The following EYS variants were observed in gnomAD, a reference collection of about 807,000 sequenced individuals.
EYS encodes the protein protein eyes shut homolog.
EYS carries 250 observed loss-of-function variants against 282.1 expected under a neutral mutation model. The observed-to-expected ratio is 0.89, with a 90% CI of 0.80 to 0.98. EYS has a LOEUF of 0.98. Ranked by LOEUF, EYS falls within the 50% of genes least tolerant of loss-of-function variation. The probability of loss-of-function intolerance (pLI) is 0.00; values close to 1 mark genes in which losing one functional copy is unlikely to be tolerated. For synonymous variants in EYS, 1,355 were observed against 1,282.9 expected, an observed-to-expected ratio of 1.06 and a Z score of -1.20; for missense variants, 4,016 against 3,709.0, an observed-to-expected ratio of 1.08 and a Z score of -2.15.
chr6:63,993,210 T>G (rs1030097673), intron 34 of EYS, among the ~76,000 whole-genome samples: 1 of 151,772 alleles, frequency 6.6e-6, no homozygotes, highest in African/African-American at 2.4e-5. Context: ...TCATACTCAA[T>G]GGTGAACACC....
intron 12 of EYS, among the ~76,000 whole-genome samples, chr6:65,103,210 A>C (rs922600005): frequency 2.0e-5 from 3 of 151,478 alleles, no homozygotes; most frequent in Non-Finnish European, 4.4e-5. Flanking sequence ...AAGAATCATT[A>C]ACCTATGAGT....
chr6:65,059,528 A>C (rs929618168), intron 12 of EYS, among the ~76,000 whole-genome samples: 1 of 152,096 alleles, frequency 6.6e-6, no homozygotes, highest in Non-Finnish European at 1.5e-5. Context: ...TCTTCCTTAC[A>C]CTTCAAAGGG....
intron 22 of EYS, among the ~76,000 whole-genome samples, chr6:64,736,753 T>C (rs1391554313): frequency 1.3e-5 from 2 of 152,276 alleles, no homozygotes; most frequent in South Asian, 2.1e-4. Flanking sequence ...CTCACCACTG[T>C]GTCAGACACT....
chr6:63,754,269 T>C (rs1769419688), intron 41 of EYS, among the ~76,000 whole-genome samples: 1 of 152,116 alleles, frequency 6.6e-6, no homozygotes, highest in Non-Finnish European at 1.5e-5. Context: ...GGTATACATG[T>C]GTGATGTTGG....
intron 33 of EYS, among the ~76,000 whole-genome samples, chr6:64,000,514 A>T (rs1228353287): frequency 6.6e-6 from 1 of 151,852 alleles, no homozygotes; most frequent in East Asian, 1.9e-4. Context: ...TTTTAGTTTT[A>T]AAACCAGAGA....
chr6:64,270,023 C>T (rs1055310056), intron 30 of EYS, among the ~76,000 whole-genome samples: 2 of 151,908 alleles, frequency 1.3e-5, no homozygotes, highest in African/African-American at 4.8e-5. Flanking sequence ...TTTTCTTAGA[C>T]AATTAATTTA....
At chr6:64,631,942 TA>T (rs1205745810) in intron 22 of EYS, among the ~76,000 whole-genome samples, 5 of 151,970 alleles carry the variant, frequency 3.3e-5, no homozygotes, top group Admixed American at 2.0e-4. Context: ...ATATTTACAT[TA>T]AAAAACAATT....
At chr6:64,694,717 G>A (rs531765456) in intron 22 of EYS, among the ~76,000 whole-genome samples, 8 of 152,178 alleles carry the variant, frequency 5.3e-5, no homozygotes, top group Non-Finnish European at 8.8e-5. Context: ...AGAGGTAAAC[G>A]TAGCATAAGC....
chr6:63,946,882 A>G (rs1037026882), intron 35 of EYS, among the ~76,000 whole-genome samples: 1 of 152,020 alleles, frequency 6.6e-6, no homozygotes, highest in Admixed American at 6.6e-5. Flanking sequence ...GGTGATGAAT[A>G]TCCCATTTAC....
At chr6:64,799,798 C>A (rs569765062) in intron 22 of EYS, among the ~76,000 whole-genome samples, 117 of 151,748 alleles carry the variant, frequency 7.7e-4, no homozygotes, top group Middle Eastern at 3.4e-3. Flanking sequence ...ATTTAAGTAT[C>A]TGAATATCTA....
intron 22 of EYS, among the ~76,000 whole-genome samples, chr6:64,793,068 T>C (rs1774241070): frequency 6.6e-6 from 1 of 152,110 alleles, no homozygotes; most frequent in Admixed American, 6.6e-5. Context: ...AATCTCTTCC[T>C]ACATTTGCAT....
intron 35 of EYS, among the ~76,000 whole-genome samples, chr6:63,885,735 T>C (rs1007719675): frequency 6.6e-6 from 1 of 152,162 alleles, no homozygotes; most frequent in African/African-American, 2.4e-5. Flanking sequence ...AGATTAGAGA[T>C]ACACAGCTTT....
intron 29 of EYS, among the ~76,000 whole-genome samples, chr6:64,342,707 A>T (rs984719783): frequency 6.6e-6 from 1 of 152,092 alleles, no homozygotes; most frequent in Non-Finnish European, 1.5e-5. Context: ...TCAAATTCAC[A>T]CATAACAATA....
chr6:65,458,466 A>G (rs1277184776), intron 5 of EYS, among the ~76,000 whole-genome samples: 1 of 152,066 alleles, frequency 6.6e-6, no homozygotes, highest in African/African-American at 2.4e-5. Flanking sequence ...GCTGTCAAAT[A>G]AAGACAAAAC....
At chr6:64,335,292 C>T (rs1398375232) in intron 29 of EYS, among the ~76,000 whole-genome samples, 1 of 110,184 alleles carries the variant, frequency 9.1e-6, no homozygotes, top group East Asian at 3.3e-4. Context: ...AGAATATTAA[C>T]AGCCTATCTT....
chr6:65,698,246 A>G (rs1769529913), intron 1 of EYS, among the ~76,000 whole-genome samples: 1 of 152,136 alleles, frequency 6.6e-6, no homozygotes, highest in Non-Finnish European at 1.5e-5. Flanking sequence ...TAAAATTTGT[A>G]AATTTTTTAT....
chr6:63,931,139 A>AGTGTTTC (rs1764880245), intron 35 of EYS, among the ~76,000 whole-genome samples: 3 of 152,208 alleles, frequency 2.0e-5, no homozygotes, highest in Admixed American at 2.0e-4. Context: ...AACACTTCCA[A>AGTGTTTC]TAGAAAACAG....
At chr6:63,733,823 C>T (rs1768840874) in intron 41 of EYS, among the ~76,000 whole-genome samples, 1 of 152,120 alleles carries the variant, frequency 6.6e-6, no homozygotes, top group Non-Finnish European at 1.5e-5. Flanking sequence ...AGCATGCTTG[C>T]TTTTTGCTCC....
intron 12 of EYS, among the ~76,000 whole-genome samples, chr6:65,294,054 G>A (rs1421364657): frequency 6.6e-6 from 1 of 151,616 alleles, no homozygotes; most frequent in Non-Finnish European, 1.5e-5. Context: ...GAAGGAGGAG[G>A]ATCATATGAT....
Sources: allele counts gnomAD v4.1 joint callset (sites outside exome capture counted in the v4.1 genomes callset), GRCh38; gene constraint gnomAD v4.1.1; transcripts MANE v1.5; gene names NCBI Gene and HGNC (gene_info 2026-07-23, HGNC 2026-07-21).